Variants in DNAJB6 observed in about 807,000 individuals in gnomAD.
DNAJB6 encodes dnaJ homolog subfamily B member 6.
Under a neutral mutation model 42.7 loss-of-function variants are expected in DNAJB6, and 16 were observed. That is an observed-to-expected ratio of 0.37 (90% CI 0.25 to 0.57). DNAJB6 has a LOEUF of 0.57. DNAJB6 is among the 20% of genes least tolerant of loss of function. The pLI, the probability that DNAJB6 is intolerant of heterozygous loss-of-function variation, is 0.74. For missense variants in DNAJB6, 347 were observed against 416.8 expected, an observed-to-expected ratio of 0.83 and a Z score of 1.46; for synonymous variants, 170 against 163.5, an observed-to-expected ratio of 1.04 and a Z score of -0.30.
chr7:157,409,313 G>T (rs1371140761), intron 8 of DNAJB6, among the ~76,000 whole-genome samples: 2 of 152,206 alleles, frequency 1.3e-5, no homozygotes, highest in African/African-American at 4.8e-5. Context: ...CGGGGCTGTG[G>T]CTCCCGTGGG....
At chr7:157,348,048 A>AGGT (rs1446218408) in intron 1 of DNAJB6, among the ~76,000 whole-genome samples, 10 of 151,200 alleles carry the variant, frequency 6.6e-5, no homozygotes, top group African/African-American at 2.4e-4. Flanking sequence ...CACCTACCTC[A>AGGT]GCCTCCCAAA....
At chr7:157,337,886 A>G (rs1584865398) in intron 1 of DNAJB6, 1 of 151,716 alleles carries the variant, frequency 6.6e-6, no homozygotes, top group Non-Finnish European at 1.5e-5. Flanking sequence ...CGAATTTTTT[A>G]AAGGATGGGT....
chr7:157,397,498 C>T (rs1482325420), intron 8 of DNAJB6, among the ~76,000 whole-genome samples: 2 of 152,172 alleles, frequency 1.3e-5, no homozygotes, highest in Non-Finnish European at 2.9e-5. Flanking sequence ...GGCGGGGTTT[C>T]GTGAGCCTCT....
At chr7:157,345,980 G>A (rs1007601590) in intron 1 of DNAJB6, among the ~76,000 whole-genome samples, 6 of 152,100 alleles carry the variant, frequency 3.9e-5, no homozygotes, top group African/African-American at 1.4e-4. Context: ...CTGGAGTCCA[G>A]GCTCTCGCTG....
At chr7:157,391,239 G>A (rs1408951863) in intron 8 of DNAJB6, among the ~76,000 whole-genome samples, 1 of 152,196 alleles carries the variant, frequency 6.6e-6, no homozygotes, top group Non-Finnish European at 1.5e-5. Context: ...TGCAGCCTGC[G>A]TGAGACACGT....
At chr7:157,369,527 C>T in intron 5 of DNAJB6, 1 of 392,904 alleles carries the variant, frequency 2.5e-6, no homozygotes, top group Non-Finnish European at 5.0e-6. Context: ...TCAACAGGCC[C>T]TGCTTAACAT....
rs745727503 is a variant in DNAJB6 at position 157,367,477 on chromosome 7, T to G, written c.340T>G (p.Phe114Val). 4 of 1,596,956 alleles carry G rather than the reference T, an allele frequency of 2.5e-6. No homozygotes were observed. In the East Asian group the frequency reaches 6.7e-5, roughly 27 times the overall value. The change falls in exon 5 of 10, where the codon TTC becomes GTC. Residue 114 changes from phenylalanine (F) to valine (V), a missense_variant. Around this residue, in one of 3 missense-constraint regions of DNAJB6, gnomAD observed 264 missense variants for 288.0 expected, o/e 0.92. Transcript: ENST00000262177. Reference sequence around the variant, plus strand: ...TGGAAGGGACCCATTTTCATTTGACTTCTTTGGTAAGTTAATCACGTGGGT... The same window carrying G: ...TGGAAGGGACCCATTTTCATTTGACGTCTTTGGTAAGTTAATCACGTGGGT... Reference protein sequence around the residue: ...FGGRDPFSFDFFEDPFEDFFG... With the variant: ...FGGRDPFSFDVFEDPFEDFFG...
intron 9 of DNAJB6, chr7:157,412,956 G>A (rs1312216027): frequency 2.0e-5 from 3 of 152,282 alleles, no homozygotes; most frequent in African/African-American, 7.2e-5. Flanking sequence ...CCCTCCTTGT[G>A]TCTGGTGTGA....
Position 157,377,489 on chromosome 7 carries a change from A to G in DNAJB6, c.347-4757A>G, listed in dbSNP as rs970907667. Among the ~76,000 whole-genome samples, 14 of 152,198 alleles carry G rather than the reference A, an allele frequency of 9.2e-5. No homozygotes were observed. The East Asian group carries it at 2.7e-3, about 29-fold the overall frequency. ...GCAGAATCTGCATGAGTCTAGAGAA[A>G]CTGCCACTGGGGGAGAAACGTGTAT... On this transcript the variant is annotated intron_variant, in intron 5 of 9. Transcript: ENST00000262177.
At chr7:157,371,058 A>C (rs1289070605) in intron 5 of DNAJB6, among the ~76,000 whole-genome samples, 1 of 152,148 alleles carries the variant, frequency 6.6e-6, no homozygotes, top group Non-Finnish European at 1.5e-5. Context: ...CAGTGGCAGC[A>C]TTGGAGTCTC....
chr7:157,405,224 G>A (rs1021380408), intron 8 of DNAJB6, among the ~76,000 whole-genome samples: 2 of 152,214 alleles, frequency 1.3e-5, no homozygotes, highest in South Asian at 2.1e-4. Flanking sequence ...TGCAATAGCT[G>A]CGTGAGCTCT....
chr7:157,359,464 T>C (rs1464289881), intron 2 of DNAJB6, among the ~76,000 whole-genome samples: 1 of 152,188 alleles, frequency 6.6e-6, no homozygotes, highest in South Asian at 2.1e-4. Context: ...TCTCTTGCCT[T>C]GGCCTCCCAG....
At chr7:157,358,884 A>G (rs540639085) in intron 2 of DNAJB6, among the ~76,000 whole-genome samples, 1 of 152,218 alleles carries the variant, frequency 6.6e-6, no homozygotes, top group Non-Finnish European at 1.5e-5. Flanking sequence ...GATGTGAGAT[A>G]ATCCCAAACA....
chr7:157,407,081 C>T (rs373475226), intron 8 of DNAJB6, among the ~76,000 whole-genome samples: 9 of 152,184 alleles, frequency 5.9e-5, no homozygotes, highest in South Asian at 2.1e-4. Context: ...AGCAGGGGTG[C>T]GGGGAACAGC....
At chr7:157,375,447 A>G (rs1391734516) in intron 5 of DNAJB6, among the ~76,000 whole-genome samples, 1 of 152,254 alleles carries the variant, frequency 6.6e-6, no homozygotes, top group Non-Finnish European at 1.5e-5. Flanking sequence ...TTTGGGAAAC[A>G]GATTACTCTA....
At chr7:157,359,026 A>G (rs995083454) in intron 2 of DNAJB6, among the ~76,000 whole-genome samples, 1 of 152,172 alleles carries the variant, frequency 6.6e-6, no homozygotes, top group African/African-American at 2.4e-5. Flanking sequence ...ATGCCACTGG[A>G]GTCCCTTCTG....
chr7:157,340,999 C>CGCGCGCGCGCTT (rs1330349362), intron 1 of DNAJB6, among the ~76,000 whole-genome samples: 25 of 27,516 alleles, frequency 9.1e-4, no homozygotes, highest in Admixed American at 9.0e-3. Context: ...TGTGTGTGTG[C>CGCGCGCGCGCTT]GCGCGCGCAG....
At chr7:157,367,512 G>A (rs1290305057) in intron 5 of DNAJB6, 29 bp downstream of exon 5, 42 of 1,329,416 alleles carry the variant, frequency 3.2e-5, no homozygotes, top group Non-Finnish European at 4.5e-5. Context: ...TTGACTTGGT[G>A]TGTGTCCATG....
intron 8 of DNAJB6, among the ~76,000 whole-genome samples, chr7:157,404,769 G>A (rs1196739169): frequency 2.0e-5 from 3 of 152,142 alleles, no homozygotes; most frequent in Non-Finnish European, 4.4e-5. Context: ...GCCTCTCAAA[G>A]TGCTGGGATT....
Sources: gnomAD v4.1 joint callset for allele counts (sites outside exome capture counted in the v4.1 genomes callset) on GRCh38, gnomAD v4.1.1 for gene constraint, gnomAD v4.1.1 regional missense constraint, MANE v1.5 for transcripts, NCBI Gene and HGNC (gene_info 2026-07-23, HGNC 2026-07-21) for gene names.